IL1RAPL2: variants seen among roughly 807,000 people sequenced by gnomAD.
The protein encoded by IL1RAPL2 is X-linked interleukin-1 receptor accessory protein-like 2.
A neutral mutation model predicts 44.1 loss-of-function variants in IL1RAPL2; 3 were observed. The ratio of observed to expected loss-of-function variants is 0.07; its 90% CI spans 0.03 to 0.18. The LOEUF (loss-of-function observed/expected upper bound fraction) is 0.18, where lower values mean the gene tolerates loss of function less well. Ranked by LOEUF, IL1RAPL2 falls within the 10% of genes least tolerant of loss-of-function variation. The pLI, the probability that IL1RAPL2 is intolerant of heterozygous loss-of-function variation, is 1.00. For synonymous variants in IL1RAPL2, 181 were observed against 178.8 expected (o/e 1.01, Z -0.10); for missense variants, 391 against 496.4 (o/e 0.79, Z 2.02).
intron 6 of IL1RAPL2, among the ~76,000 whole-genome samples, chrX:105,625,871 C>T (rs1602493695): frequency 9.0e-6 from 1 of 111,652 alleles, no homozygotes; most frequent in African/African-American, 3.2e-5. Flanking sequence ...AAACTGCCTA[C>T]ATACAAATAT....
intron 2 of IL1RAPL2, among the ~76,000 whole-genome samples, chrX:104,896,846 G>A (rs112612158): frequency 0.12 from 12,914 of 110,900 alleles, 759 homozygotes; most frequent in Non-Finnish European, 0.17. Context: ...CTTCACTCCT[G>A]AAGTCAGTGA....
intron 2 of IL1RAPL2, among the ~76,000 whole-genome samples, chrX:105,037,475 G>C (rs1383074234): frequency 9.0e-6 from 1 of 111,059 alleles, no homozygotes; most frequent in Non-Finnish European, 1.9e-5. Flanking sequence ...ATGAGCAGAA[G>C]GGCGGGGAAG....
chrX:105,055,457 A>G (rs901381989), intron 2 of IL1RAPL2, among the ~76,000 whole-genome samples: 1 of 111,857 alleles, frequency 8.9e-6, no homozygotes, highest in African/African-American at 3.3e-5. Context: ...CCTTCATGGC[A>G]TCTGTTAGCC....
At chrX:105,192,665 C>T (rs1348873617) in intron 2 of IL1RAPL2, among the ~76,000 whole-genome samples, 1 of 111,099 alleles carries the variant, frequency 9.0e-6, no homozygotes, top group African/African-American at 3.3e-5. Flanking sequence ...TTTGGTGGCA[C>T]GTAGGCATTC....
chrX:105,500,781 A>T (rs917974865), intron 6 of IL1RAPL2, among the ~76,000 whole-genome samples: 11 of 111,728 alleles, frequency 9.8e-5, no homozygotes, highest in Non-Finnish European at 2.1e-4. Context: ...CATTCTTGCT[A>T]TGCCAAATTG....
chrX:105,176,808 T>C (rs1204148615), intron 2 of IL1RAPL2, among the ~76,000 whole-genome samples: 1 of 110,774 alleles, frequency 9.0e-6, no homozygotes, highest in Non-Finnish European at 1.9e-5. Flanking sequence ...ACTATGTGAA[T>C]GAATTTGCAG....
intron 5 of IL1RAPL2, among the ~76,000 whole-genome samples, chrX:105,271,422 T>G (rs1366840842): frequency 8.9e-6 from 1 of 112,006 alleles, no homozygotes; most frequent in African/African-American, 3.2e-5. Flanking sequence ...TATGCTATTT[T>G]AAAGTTTTTT....
intron 3 of IL1RAPL2, among the ~76,000 whole-genome samples, chrX:105,222,818 T>G (rs1317612754): frequency 9.0e-6 from 1 of 111,059 alleles, no homozygotes; most frequent in Non-Finnish European, 1.9e-5. Flanking sequence ...AAGAAGAATT[T>G]TTTGGGATGA....
At chrX:104,867,882 G>A (rs1378080975) in intron 2 of IL1RAPL2, among the ~76,000 whole-genome samples, 1 of 112,003 alleles carries the variant, frequency 8.9e-6, no homozygotes, top group African/African-American at 3.2e-5. Context: ...GTATAGATGT[G>A]AAATGTGTTT....
intron 2 of IL1RAPL2, among the ~76,000 whole-genome samples, chrX:104,829,695 G>A (rs183198011): frequency 5.9e-4 from 66 of 112,444 alleles, no homozygotes; most frequent in East Asian, 4.5e-3. Context: ...AACACGACGC[G>A]ACGTTTTAAT....
intron 2 of IL1RAPL2, among the ~76,000 whole-genome samples, chrX:104,673,427 T>A (rs1327313184): frequency 9.0e-6 from 1 of 111,208 alleles, no homozygotes; most frequent in Non-Finnish European, 1.9e-5. Flanking sequence ...GCGTTATTTC[T>A]GAGGGCTCTG....
chrX:105,234,164 A>G (rs1603025156), intron 4 of IL1RAPL2, among the ~76,000 whole-genome samples, 160 bp downstream of exon 4: 1 of 112,256 alleles, frequency 8.9e-6, no homozygotes, highest in African/African-American at 3.2e-5. Flanking sequence ...ACTCTTATGT[A>G]TCACTGGTTT....
At chrX:104,985,330 C>T (rs1424862500) in intron 2 of IL1RAPL2, among the ~76,000 whole-genome samples, 1 of 111,019 alleles carries the variant, frequency 9.0e-6, no homozygotes. Context: ...CACTTGTGAT[C>T]TGCCCGCCTC....
chrX:104,693,444 T>C (rs1931127774), intron 2 of IL1RAPL2, among the ~76,000 whole-genome samples: 1 of 111,701 alleles, frequency 9.0e-6, no homozygotes, highest in African/African-American at 3.3e-5. Context: ...TAAATGCACA[T>C]AGGACATTAC....
At chrX:105,515,999 A>G (rs2036510686) in intron 6 of IL1RAPL2, among the ~76,000 whole-genome samples, 2 of 111,979 alleles carry the variant, frequency 1.8e-5, no homozygotes, top group South Asian at 3.7e-4. Context: ...AAGAAGTTGT[A>G]TGGCTGTCAG....
intron 2 of IL1RAPL2, among the ~76,000 whole-genome samples, chrX:104,859,654 T>C (rs1216206839): frequency 4.5e-5 from 5 of 112,170 alleles, no homozygotes; most frequent in Non-Finnish European, 9.4e-5. Flanking sequence ...AGGGAAAACA[T>C]AAATTATTTG....
intron 6 of IL1RAPL2, among the ~76,000 whole-genome samples, chrX:105,713,171 G>C (rs1482321284): frequency 9.0e-6 from 1 of 111,602 alleles, no homozygotes; most frequent in East Asian, 2.9e-4. Flanking sequence ...TATATTTCTG[G>C]GGTCTGGAGG....
chrX:105,382,853 G>T (rs1176736569), intron 5 of IL1RAPL2, among the ~76,000 whole-genome samples: 3 of 106,700 alleles, frequency 2.8e-5, no homozygotes, highest in Non-Finnish European at 5.8e-5. Flanking sequence ...ATCATTCTCA[G>T]CAAACTATCG....
At chrX:105,046,901 C>T (rs2031846503) in intron 2 of IL1RAPL2, among the ~76,000 whole-genome samples, 1 of 104,570 alleles carries the variant, frequency 9.6e-6, no homozygotes. Context: ...TTCTCTATCT[C>T]CCTTGTTCTG....
Sources: allele counts gnomAD v4.1 joint callset (sites outside exome capture counted in the v4.1 genomes callset), GRCh38; gene constraint gnomAD v4.1.1; transcripts MANE v1.5; gene names NCBI Gene and HGNC (gene_info 2026-07-23, HGNC 2026-07-21).